CTNNA3: variants seen among roughly 807,000 people sequenced by gnomAD.
CTNNA3 encodes the protein catenin alpha 3.
Under a neutral mutation model 95.7 loss-of-function variants are expected in CTNNA3, and 76 were observed. The observed-to-expected ratio is 0.79, with a 90% CI of 0.66 to 0.96. The LOEUF is 0.96. CTNNA3 is among the 40% of genes least tolerant of loss of function. The pLI is 0.00. For missense variants in CTNNA3, 1,191 were observed against 1,089.8 expected (o/e 1.09, Z -1.31); for synonymous variants, 431 against 374.4 (o/e 1.15, Z -1.74).
At chr10:66,335,832 A>C (rs1002025497) in intron 12 of CTNNA3, among the ~76,000 whole-genome samples, 1 of 152,070 alleles carries the variant, frequency 6.6e-6, no homozygotes, top group Non-Finnish European at 1.5e-5. Flanking sequence ...TCAGAGGTGG[A>C]GTCTACAGAG....
intron 7 of CTNNA3, among the ~76,000 whole-genome samples, chr10:66,982,843 G>A (rs548674693): frequency 1.3e-5 from 2 of 152,168 alleles, no homozygotes; most frequent in African/African-American, 4.8e-5. Flanking sequence ...GGGACCCTAA[G>A]AGAGAAGCTG....
chr10:66,686,446 G>C (rs1205369437), intron 9 of CTNNA3, among the ~76,000 whole-genome samples: 2 of 152,322 alleles, frequency 1.3e-5, no homozygotes, highest in Middle Eastern at 3.4e-3. Flanking sequence ...CTGGGTGACA[G>C]AGTGAGACCC....
At chr10:67,387,212 C>G (rs2132752421) in intron 5 of CTNNA3, among the ~76,000 whole-genome samples, 1 of 152,210 alleles carries the variant, frequency 6.6e-6, no homozygotes, top group African/African-American at 2.4e-5. Context: ...CACCGTGCAC[C>G]AGCCGAAGCA....
chr10:67,725,096 T>C (rs1209370623), intron 1 of CTNNA3, among the ~76,000 whole-genome samples: 1 of 152,026 alleles, frequency 6.6e-6, no homozygotes, highest in African/African-American at 2.4e-5. Flanking sequence ...CACTATTTGA[T>C]AAAACAACGG....
intron 7 of CTNNA3, among the ~76,000 whole-genome samples, chr10:66,925,733 C>T (rs1300136600): frequency 1.3e-5 from 2 of 152,200 alleles, no homozygotes; most frequent in African/African-American, 2.4e-5. Flanking sequence ...GACGTTCGGT[C>T]TGTGAACTTA....
At chr10:67,299,011 G>C (rs1840157321) in intron 5 of CTNNA3, among the ~76,000 whole-genome samples, 1 of 151,832 alleles carries the variant, frequency 6.6e-6, no homozygotes, top group African/African-American at 2.4e-5. Context: ...TGATTTTCCT[G>C]TCTCAGCCTC....
intron 1 of CTNNA3, among the ~76,000 whole-genome samples, chr10:67,740,876 A>G (rs1482674666): frequency 1.3e-5 from 2 of 151,418 alleles, no homozygotes; most frequent in Non-Finnish European, 3.0e-5. Context: ...TTATTGCAGC[A>G]CTATTCACAA....
At chr10:67,554,568 T>C (rs1841163188) in intron 3 of CTNNA3, among the ~76,000 whole-genome samples, 1 of 152,242 alleles carries the variant, frequency 6.6e-6, no homozygotes, top group East Asian at 1.9e-4. Flanking sequence ...TTGAGAAGTG[T>C]CTATTCATAT....
At chr10:66,047,168 C>A (rs911698412) in intron 15 of CTNNA3, among the ~76,000 whole-genome samples, 22 of 152,108 alleles carry the variant, frequency 1.4e-4, no homozygotes, top group African/African-American at 4.8e-4. Flanking sequence ...CTGGCAGAGA[C>A]CCACACACAA....
intron 12 of CTNNA3, among the ~76,000 whole-genome samples, chr10:66,287,561 A>C (rs1301758819): frequency 6.6e-6 from 1 of 152,090 alleles, no homozygotes; most frequent in Non-Finnish European, 1.5e-5. Flanking sequence ...ACATTGCAGG[A>C]CACTTAGGAT....
intron 11 of CTNNA3, among the ~76,000 whole-genome samples, chr10:66,519,355 CTTGT>C (rs1840975254): frequency 6.6e-6 from 1 of 152,116 alleles, no homozygotes; most frequent in African/African-American, 2.4e-5. Flanking sequence ...GATATTTAGA[CTTGT>C]TTGTTTAATT....
chr10:66,089,959 T>C (rs1393748686), intron 14 of CTNNA3, among the ~76,000 whole-genome samples: 1 of 152,024 alleles, frequency 6.6e-6, no homozygotes, highest in African/African-American at 2.4e-5. Context: ...CACCATTTTA[T>C]ATTATTTTAG....
chr10:67,642,186 G>A (rs1839558636), intron 2 of CTNNA3, among the ~76,000 whole-genome samples: 1 of 151,994 alleles, frequency 6.6e-6, no homozygotes, highest in Non-Finnish European at 1.5e-5. Flanking sequence ...ACAGACAAAT[G>A]GGTTCTAATT....
intron 15 of CTNNA3, among the ~76,000 whole-genome samples, chr10:65,999,012 A>G (rs577823229): frequency 1.3e-5 from 2 of 152,168 alleles, no homozygotes; most frequent in Admixed American, 6.5e-5. Flanking sequence ...TCTAACAACA[A>G]TGAAAACCTG....
At chr10:67,471,786 G>T (rs1280095757) in intron 5 of CTNNA3, among the ~76,000 whole-genome samples, 1 of 152,136 alleles carries the variant, frequency 6.6e-6, no homozygotes, top group Non-Finnish European at 1.5e-5. Flanking sequence ...CTGTGAAAAG[G>T]AAGACATTTT....
At chr10:67,717,835 T>A (rs556944220) in intron 1 of CTNNA3, among the ~76,000 whole-genome samples, 2 of 152,304 alleles carry the variant, frequency 1.3e-5, no homozygotes, top group East Asian at 3.9e-4. Context: ...TTTAAAGTAG[T>A]TTTTTCTAAT....
At chr10:67,569,737 G>T (rs778168745) in intron 3 of CTNNA3, among the ~76,000 whole-genome samples, 7 of 152,084 alleles carry the variant, frequency 4.6e-5, no homozygotes, top group Non-Finnish European at 7.4e-5. Context: ...TATTGCAGTT[G>T]CTCAGGGGGA....
Position 67,085,983 on chromosome 10 carries a change from C to T in CTNNA3, c.1047+94334G>A, listed in dbSNP as rs74886618. Among the ~76,000 whole-genome samples, 202 of 152,104 alleles carry T rather than the reference C, an allele frequency of 1.3e-3. 1 individual carries two copies. Among genetic ancestry groups the T allele is most frequent in the African/African-American group, 4.8e-3 (198 of 41,524 alleles). ...CCCTCCACTCTCATCATATCCTACA[C>T]ATAATTCCACCCTAGGAACATGGTG... On this transcript the variant is annotated intron_variant, in intron 7 of 17. Coordinates refer to ENST00000433211, the MANE Select transcript of CTNNA3 (RefSeq NM_013266.4).
intron 4 of CTNNA3, 72 bp from the exon 5 acceptor site, chr10:67,522,033 G>A (rs1427605009): frequency 2.2e-5 from 33 of 1,484,376 alleles, no homozygotes; most frequent in South Asian, 2.5e-5. Context: ...TTGCTAACAC[G>A]AAGAGTCGAT....
Sources: gnomAD v4.1 joint callset for allele counts (sites outside exome capture counted in the v4.1 genomes callset) on GRCh38, gnomAD v4.1.1 for gene constraint, MANE v1.5 for transcripts, NCBI Gene and HGNC (gene_info 2026-07-23, HGNC 2026-07-21) for gene names.